STARD13: variants seen among roughly 807,000 people sequenced by gnomAD.
STARD13 encodes StAR related lipid transfer domain containing 13, also known as stAR-related lipid transfer protein 13.
A neutral mutation model predicts 106.4 loss-of-function variants in STARD13; 62 were observed. The ratio of observed to expected loss-of-function variants is 0.58; its 90% confidence interval spans 0.48 to 0.72. STARD13 has a LOEUF of 0.72. Ranked by LOEUF, STARD13 falls within the 30% of genes least tolerant of loss-of-function variation. STARD13 has a pLI of 0.00. For missense variants in STARD13, 1,387 were observed against 1,424.0 expected (o/e 0.97, Z 0.42); for synonymous variants, 565 against 553.0 (o/e 1.02, Z -0.31).
chr13:33,402,406 C>G, the STARD13 span, among the ~76,000 whole-genome samples: 2 of 152,162 alleles, frequency 1.3e-5, no homozygotes, highest in South Asian at 4.1e-4. Context: ...ATGAAATAAC[C>G]TTCAGAAACA....
the STARD13 span, among the ~76,000 whole-genome samples, chr13:33,658,997 G>A: frequency 2.0e-5 from 3 of 152,110 alleles, no homozygotes; most frequent in South Asian, 4.2e-4. Context: ...CTGGAGGGTG[G>A]CAAGCCCAGG....
chr13:33,247,161 C>G (rs896588062), intron 1 of STARD13, among the ~76,000 whole-genome samples: 4 of 152,098 alleles, frequency 2.6e-5, no homozygotes, highest in Non-Finnish European at 1.5e-5. Flanking sequence ...CACACCACTG[C>G]ACTCCAGCCT....
chr13:33,201,965 T>G (rs988519551), intron 1 of STARD13, among the ~76,000 whole-genome samples: 1 of 152,016 alleles, frequency 6.6e-6, no homozygotes, highest in Non-Finnish European at 1.5e-5. Context: ...ATTTTTCATA[T>G]TATTTATAAA....
At chr13:33,675,465 A>T in the STARD13 span, among the ~76,000 whole-genome samples, 22 of 152,204 alleles carry the variant, frequency 1.4e-4, no homozygotes, top group African/African-American at 4.3e-4. Flanking sequence ...TTTGGGGTTC[A>T]CCTACTCAAT....
At chr13:33,540,648 G>C in the STARD13 span, among the ~76,000 whole-genome samples, 1 of 152,206 alleles carries the variant, frequency 6.6e-6, no homozygotes, top group Non-Finnish European at 1.5e-5. Context: ...TCCTATACAA[G>C]GATGTTTGAT....
chr13:33,380,761 C>CAG, the STARD13 span, among the ~76,000 whole-genome samples: 78,778 of 151,790 alleles, frequency 0.52, 22,502 homozygotes, highest in African/African-American at 0.75. Context: ...GGGGCTCAGG[C>CAG]AGAGAGGTGT....
intron 3 of STARD13, among the ~76,000 whole-genome samples, chr13:33,163,347 G>C (rs1037764119): frequency 1.3e-5 from 2 of 151,870 alleles, no homozygotes; most frequent in African/African-American, 4.8e-5. Context: ...AGCACTTTGG[G>C]AGGCTGAGGT....
chr13:33,533,829 T>G, the STARD13 span, among the ~76,000 whole-genome samples: 4 of 152,230 alleles, frequency 2.6e-5, no homozygotes, highest in Non-Finnish European at 5.9e-5. Context: ...TCTAGGCACA[T>G]GTTCAGCCCT....
the STARD13 span, among the ~76,000 whole-genome samples, chr13:33,557,700 G>T: frequency 6.6e-6 from 1 of 152,258 alleles, no homozygotes; most frequent in African/African-American, 2.4e-5. Flanking sequence ...TTTGGAAAGG[G>T]TGAGACCTTT....
the STARD13 span, among the ~76,000 whole-genome samples, chr13:33,508,369 A>G: frequency 1.3e-5 from 2 of 152,208 alleles, no homozygotes; most frequent in Admixed American, 6.5e-5. Flanking sequence ...TAACAAGTGG[A>G]AAAACAATTA....
chr13:33,218,737 A>G (rs952053746), intron 1 of STARD13, among the ~76,000 whole-genome samples: 1 of 152,248 alleles, frequency 6.6e-6, no homozygotes, highest in Non-Finnish European at 1.5e-5. Context: ...TTCAGATGGC[A>G]TTATTGTAAC....
chr13:33,536,080 G>A, the STARD13 span, among the ~76,000 whole-genome samples: 6 of 152,154 alleles, frequency 3.9e-5, no homozygotes, highest in Non-Finnish European at 8.8e-5. Flanking sequence ...TCCATTTTCC[G>A]TGTGTGCATG....
chr13:33,539,864 T>G, the STARD13 span, among the ~76,000 whole-genome samples: 3 of 152,190 alleles, frequency 2.0e-5, no homozygotes, highest in Admixed American at 6.5e-5. Flanking sequence ...AAAAGACACT[T>G]TTAAGAAAAT....
At chr13:33,611,277 G>C in the STARD13 span, 2 of 152,196 alleles carry the variant, frequency 1.3e-5, no homozygotes, top group East Asian at 3.8e-4. Flanking sequence ...AGCAGACAGC[G>C]CTCCCTCTCC....
At chr13:33,275,192 G>GA (rs918230041) in intron 1 of STARD13, among the ~76,000 whole-genome samples, 8 of 151,588 alleles carry the variant, frequency 5.3e-5, no homozygotes, top group South Asian at 2.1e-4. Context: ...TACAGTTTAA[G>GA]AAAAAAAACC....
chr13:33,248,993 T>G (rs762888), intron 1 of STARD13, among the ~76,000 whole-genome samples: 119,308 of 152,152 alleles, frequency 0.78, 47,527 homozygotes, highest in African/African-American at 0.94. Flanking sequence ...AAAACTCCTT[T>G]TTCCCCTTGC....
intron 1 of STARD13, among the ~76,000 whole-genome samples, chr13:33,330,729 G>A (rs1024025749): frequency 3.9e-5 from 6 of 152,144 alleles, no homozygotes; most frequent in Non-Finnish European, 5.9e-5. Context: ...ATCACCACAC[G>A]TATTTCTGAC....
intron 3 of STARD13, among the ~76,000 whole-genome samples, chr13:33,157,305 T>A (rs1266242754): frequency 6.6e-6 from 1 of 152,222 alleles, no homozygotes; most frequent in African/African-American, 2.4e-5. Context: ...TTGCATGTGC[T>A]ATAATTAATT....
the STARD13 span, among the ~76,000 whole-genome samples, chr13:33,614,294 T>TGTGTGC: frequency 6.6e-6 from 1 of 152,010 alleles, no homozygotes; most frequent in African/African-American, 2.4e-5. Context: ...TGTGTGTGTG[T>TGTGTGC]GTTTCTTGGA....
Sources: gnomAD v4.1 joint callset for allele counts (sites outside exome capture counted in the v4.1 genomes callset) on GRCh38, gnomAD v4.1.1 for gene constraint, MANE v1.5 for transcripts, NCBI Gene and HGNC (gene_info 2026-07-23, HGNC 2026-07-21) for gene names.